Variants in NTRK2 observed in about 807,000 individuals in gnomAD.
The protein encoded by NTRK2 is BDNF/NT-3 growth factors receptor.
In NTRK2, 13 loss-of-function variants were observed where a neutral mutation model predicts 94.5. The observed-to-expected ratio is 0.14, with a 90% CI of 0.09 to 0.22. NTRK2 has a LOEUF of 0.22. Among genes scored for constraint, NTRK2 ranks in the 10% least tolerant of loss-of-function variants. NTRK2 has a pLI of 1.00. For synonymous variants in NTRK2, 372 were observed against 407.4 expected (o/e 0.91, Z 1.05); for missense variants, 639 against 1,071.2 (o/e 0.60, Z 5.63).
intron 14 of NTRK2, among the ~76,000 whole-genome samples, chr9:84,887,216 G>T (rs546640456): frequency 6.6e-6 from 1 of 152,278 alleles, no homozygotes; most frequent in South Asian, 2.1e-4. Flanking sequence ...GAAATGTAAG[G>T]GGTTCTCGCA....
chr9:84,811,068 A>G lies in NTRK2; in HGVS notation c.1397-49972A>G, dbSNP rs1457500375. The G allele has an allele frequency of 6.5e-6, 7 of 1,075,232 alleles. No homozygotes were observed. The African/African-American group carries it at 6.5e-5, about 10-fold the overall frequency. The allele number at this position is 1,075,232 out of a possible 1,614,324, so 66.6% of individuals were successfully genotyped here. On this transcript the variant is annotated intron_variant, in intron 12 of 18. Coordinates refer to ENST00000277120, the MANE Select transcript of NTRK2 (RefSeq NM_006180.6). ...AACACATATTTTAGTGTGATTTTCT[A>G]TACTCTAATCAGCACTGAATTCAGA...
intron 18 of NTRK2, among the ~76,000 whole-genome samples, 192 bp from the exon 19 acceptor site, chr9:85,021,060 T>G (rs1832740482): frequency 6.6e-6 from 1 of 152,178 alleles, no homozygotes; most frequent in South Asian, 2.1e-4. Flanking sequence ...CTTGGACAAA[T>G]GGATATAAGC....
intron 17 of NTRK2, among the ~76,000 whole-genome samples, chr9:85,007,764 T>C (rs1004075525): frequency 6.6e-6 from 1 of 152,208 alleles, no homozygotes; most frequent in Admixed American, 6.5e-5. Flanking sequence ...CAGATGGGGA[T>C]CCCTAACTGA....
At chr9:85,007,426 A>G (rs149346216) in intron 17 of NTRK2, among the ~76,000 whole-genome samples, 242 of 152,304 alleles carry the variant, frequency 1.6e-3, no homozygotes, top group African/African-American at 5.5e-3. Context: ...CATTCTGATG[A>G]CTTTTAATTT....
intron 2 of NTRK2, among the ~76,000 whole-genome samples, chr9:84,677,977 G>A (rs1418917106): frequency 6.6e-6 from 1 of 152,066 alleles, no homozygotes; most frequent in African/African-American, 2.4e-5. Flanking sequence ...GTCAAATAAG[G>A]ACAAATTGCT....
chr9:84,974,358 A>C (rs921354163), intron 17 of NTRK2, among the ~76,000 whole-genome samples: 3 of 152,184 alleles, frequency 2.0e-5, no homozygotes, highest in Non-Finnish European at 4.4e-5. Flanking sequence ...TAAATAATAC[A>C]CCCAAGGATG....
intron 6 of NTRK2, among the ~76,000 whole-genome samples, chr9:84,722,684 T>C (rs1288203335): frequency 2.0e-5 from 3 of 152,204 alleles, no homozygotes; most frequent in African/African-American, 7.2e-5. Context: ...CCATGATTCT[T>C]ATGCAGTTTA....
At position 84,839,586 on chromosome 9, in the gene NTRK2, A is replaced by G. The variant is rs11140782; in HGVS notation, c.1397-21454A>G. Among the ~76,000 whole-genome samples, 894 of 152,244 alleles carry G rather than the reference A, an allele frequency of 5.9e-3. 12 individuals are homozygous for G. Among genetic ancestry groups the G allele is most frequent in the East Asian group, 0.035 (180 of 5,166 alleles). ...CATCTTGCTGCATTAGGTCAACACC[A>G]GATATTTATGGAGCGCGTACAGGCC... On this transcript the variant is annotated intron_variant, in intron 12 of 18. Transcript: ENST00000277120.
chr9:85,020,865 T>C (rs1832724665), intron 18 of NTRK2, among the ~76,000 whole-genome samples: 1 of 152,218 alleles, frequency 6.6e-6, no homozygotes, highest in Non-Finnish European at 1.5e-5. Flanking sequence ...TCCATTTCTA[T>C]CTTTTTAATC....
intron 12 of NTRK2, among the ~76,000 whole-genome samples, chr9:84,764,833 TAAAG>T (rs1725181865): frequency 2.6e-5 from 4 of 152,092 alleles, no homozygotes; most frequent in Admixed American, 6.6e-5. Context: ...GATGAATGGA[TAAAG>T]AAACTGTGGT....
chr9:84,723,429 C>T (rs774404935), intron 6 of NTRK2, 144 bp from the exon 7 acceptor site: 3 of 944,828 alleles, frequency 3.2e-6, no homozygotes. Context: ...CAAAGTAGCA[C>T]TTTTTCAGAT....
chr9:85,017,999 T>C, intron 17 of NTRK2, among the ~76,000 whole-genome samples: 1 of 152,212 alleles, frequency 6.6e-6, no homozygotes, highest in African/African-American at 2.4e-5. Context: ...TATTTTTCCC[T>C]TTGATTTCAT....
At chr9:84,790,384 T>C (rs74565021) in intron 12 of NTRK2, among the ~76,000 whole-genome samples, 2,758 of 152,294 alleles carry the variant, frequency 0.018, 70 homozygotes, top group African/African-American at 0.048. Flanking sequence ...AGCAGAGCCT[T>C]CTTATTGAAC....
At chr9:84,844,860 C>A in intron 12 of NTRK2, among the ~76,000 whole-genome samples, 2 of 150,628 alleles carry the variant, frequency 1.3e-5, no homozygotes, top group African/African-American at 4.9e-5. Context: ...TCCATGTAAC[C>A]AAAAAACACC....
chr9:84,699,535 G>A (rs2060590407), intron 2 of NTRK2, among the ~76,000 whole-genome samples: 1 of 152,092 alleles, frequency 6.6e-6, no homozygotes, highest in Admixed American at 6.5e-5. Context: ...CAGAATAGTG[G>A]TGCTTTGCTT....
At chr9:84,688,599 C>T (rs1239194196) in intron 2 of NTRK2, among the ~76,000 whole-genome samples, 2 of 152,200 alleles carry the variant, frequency 1.3e-5, no homozygotes, top group Non-Finnish European at 2.9e-5. Context: ...ACGTCATTAG[C>T]TACCAGCTTC....
chr9:84,882,866 C>T (rs974547792), intron 14 of NTRK2, among the ~76,000 whole-genome samples: 3 of 152,148 alleles, frequency 2.0e-5, no homozygotes, highest in Non-Finnish European at 4.4e-5. Context: ...TGGGTTCAAG[C>T]GATTTTCCTG....
intron 12 of NTRK2, among the ~76,000 whole-genome samples, chr9:84,804,138 C>T (rs1195897504): frequency 1.3e-5 from 2 of 152,170 alleles, no homozygotes; most frequent in Non-Finnish European, 1.5e-5. Context: ...TACACTCTTT[C>T]TTCTAGGGTC....
At chr9:84,796,643 C>G (rs1033718044) in intron 12 of NTRK2, among the ~76,000 whole-genome samples, 1 of 152,130 alleles carries the variant, frequency 6.6e-6, no homozygotes, top group African/African-American at 2.4e-5. Flanking sequence ...TTTAGCTTTT[C>G]TGAAAGTTCA....
Sources: allele counts gnomAD v4.1 joint callset (sites outside exome capture counted in the v4.1 genomes callset), GRCh38; gene constraint gnomAD v4.1.1; transcripts MANE v1.5; gene names NCBI Gene and HGNC (gene_info 2026-07-23, HGNC 2026-07-21).